PITPNC1: variants seen among roughly 807,000 people sequenced by gnomAD.
The protein encoded by PITPNC1 is cytoplasmic phosphatidylinositol transfer protein 1.
Under a neutral mutation model 44.7 loss-of-function variants are expected in PITPNC1, and 18 were observed. That is an observed-to-expected ratio of 0.40 (90% CI 0.28 to 0.60). PITPNC1 has a LOEUF of 0.60. Among genes scored for constraint, PITPNC1 ranks in the 20% least tolerant of loss-of-function variants. The probability of loss-of-function intolerance (pLI) is 0.39; values close to 1 mark genes in which losing one functional copy is unlikely to be tolerated. For synonymous variants in PITPNC1, 141 were observed against 149.6 expected, an observed-to-expected ratio of 0.94 and a Z score of 0.42; for missense variants, 290 against 418.4, an observed-to-expected ratio of 0.69 and a Z score of 2.68.
chr17:67,419,925 AAAG>A (rs921697193), intron 1 of PITPNC1, among the ~76,000 whole-genome samples: 3 of 151,990 alleles, frequency 2.0e-5, no homozygotes, highest in African/African-American at 7.2e-5. Flanking sequence ...TCAAAAAAAA[AAAG>A]AGAGAGAGAG....
chr17:67,453,367 T>C (rs1400236174), intron 1 of PITPNC1, among the ~76,000 whole-genome samples: 2 of 152,156 alleles, frequency 1.3e-5, no homozygotes, highest in African/African-American at 2.4e-5. Context: ...GGAGAAAATA[T>C]AGACAGAGCA....
At chr17:67,425,193 G>GCGCGCGCGCGCGCGCGCGCACACA (rs1160522771) in intron 1 of PITPNC1, among the ~76,000 whole-genome samples, 3 of 52,116 alleles carry the variant, frequency 5.8e-5, no homozygotes, top group African/African-American at 1.0e-4. Flanking sequence ...TTGTGCGCGC[G>GCGCGCGCGCGCGCGCGCGCACACA]CACGCACACG....
At chr17:67,576,980 CA>C (rs1175629745) in intron 4 of PITPNC1, among the ~76,000 whole-genome samples, 1 of 152,186 alleles carries the variant, frequency 6.6e-6, no homozygotes, top group Non-Finnish European at 1.5e-5. Flanking sequence ...ATCCAAATTA[CA>C]TATTAAAAGC....
chr17:67,606,897 A>G (rs2041615708), intron 5 of PITPNC1, among the ~76,000 whole-genome samples: 1 of 152,174 alleles, frequency 6.6e-6, no homozygotes. Context: ...GGTTATCCAG[A>G]TAAGTACAGA....
At chr17:67,611,710 A>C (rs1161271900) in intron 5 of PITPNC1, 2 of 152,282 alleles carry the variant, frequency 1.3e-5, no homozygotes, top group South Asian at 2.1e-4. Flanking sequence ...CCCCGACCTC[A>C]GGTGTTCCAC....
At chr17:67,654,004 G>T (rs2042236816) in intron 6 of PITPNC1, among the ~76,000 whole-genome samples, 1 of 152,150 alleles carries the variant, frequency 6.6e-6, no homozygotes, top group Non-Finnish European at 1.5e-5. Context: ...CCCCTGCTTG[G>T]CTGGGACCAC....
At chr17:67,688,414 G>A (rs2042861608) in intron 8 of PITPNC1, among the ~76,000 whole-genome samples, 1 of 149,940 alleles carries the variant, frequency 6.7e-6, no homozygotes. Flanking sequence ...CTTTAGAATT[G>A]TGAAGACCTT....
At chr17:67,503,525 G>A (rs1314885182) in intron 1 of PITPNC1, among the ~76,000 whole-genome samples, 3 of 152,008 alleles carry the variant, frequency 2.0e-5, no homozygotes, top group South Asian at 4.1e-4. Context: ...TCTCTGTAGG[G>A]GACAAGGGAA....
At chr17:67,524,481 G>A (rs554258269) in intron 1 of PITPNC1, 9 of 151,912 alleles carry the variant, frequency 5.9e-5, no homozygotes, top group Admixed American at 5.9e-4. Context: ...AAAAAGGCAA[G>A]TGAAGTTAAT....
In PITPNC1 at chr17:67,419,370, A is replaced by AAGACAGATTTCTATCC. The variant is rs2038634390; in HGVS notation, c.48+41171_48+41186dup. Among the ~76,000 whole-genome samples the AAGACAGATTTCTATCC allele has an allele frequency of 2.0e-5, 3 of 152,272 alleles. No individual in the cohort carries two copies. The South Asian group carries it at 6.2e-4, about 32-fold the overall frequency. On this transcript the variant is annotated intron_variant, in intron 1 of 8. Coordinates refer to ENST00000581322, the MANE Select transcript of PITPNC1 (RefSeq NM_012417.4). ...ACGCAGACATGATGCATTTCCTACT[A>AAGACAGATTTCTATCC]AGACAGATTTCTATCCAGGAAACAT...
intron 1 of PITPNC1, among the ~76,000 whole-genome samples, chr17:67,519,171 GTTTTT>G (rs563294178): frequency 1.3e-5 from 1 of 78,752 alleles, no homozygotes; most frequent in South Asian, 4.9e-4. Context: ...GCAGCATTCT[GTTTTT>G]TTTTTTTTTT....
rs1555650821 is a variant in PITPNC1 at position 67,434,807 on chromosome 17, A to AAATT, written c.48+56607_48+56608insTTAA. 9.8e-3 allele frequency among the ~76,000 whole-genome samples: 1,455 copies of AAATT among 148,402 alleles called. 27 individuals carry two copies. Among genetic ancestry groups the AAATT allele is most frequent in the Non-Finnish European group, 0.014 (918 of 67,306 alleles). ...AGTGAGACTCTGCCTCAAAAAAAAA[A>AAATT]AAAAAATAAAAAAATAAAAGGCCAG... is the stretch of plus-strand genomic sequence containing the variant. On this transcript the variant is annotated intron_variant, in intron 1 of 8. Transcript: ENST00000581322.
chr17:67,661,356 C>CCCCT (rs2042344587), intron 6 of PITPNC1, among the ~76,000 whole-genome samples: 1 of 152,070 alleles, frequency 6.6e-6, no homozygotes, highest in Non-Finnish European at 1.5e-5. Flanking sequence ...CTTTTCCTTC[C>CCCCT]CCCTTCCCAG....
chr17:67,586,125 G>A (rs777547053), intron 5 of PITPNC1, among the ~76,000 whole-genome samples: 3 of 152,132 alleles, frequency 2.0e-5, no homozygotes, highest in Non-Finnish European at 2.9e-5. Context: ...AGACTGGCAG[G>A]AACTGAGGTT....
chr17:67,631,615 T>G (rs2041967655), intron 5 of PITPNC1, among the ~76,000 whole-genome samples: 1 of 40,786 alleles, frequency 2.5e-5, no homozygotes. Context: ...GGCGAAAGAG[T>G]GAGACTCCGT....
intron 1 of PITPNC1, among the ~76,000 whole-genome samples, chr17:67,465,498 T>C (rs143577346): frequency 5.6e-4 from 86 of 152,284 alleles, no homozygotes; most frequent in African/African-American, 1.9e-3. Context: ...CACATGCCAA[T>C]GTTGAATTGT....
intron 6 of PITPNC1, among the ~76,000 whole-genome samples, chr17:67,666,930 G>A (rs1783146774): frequency 6.6e-6 from 1 of 152,224 alleles, no homozygotes; most frequent in Admixed American, 6.5e-5. Flanking sequence ...TTTGTAAGCA[G>A]CCTGCTTTTA....
chr17:67,537,428 T>A (rs936271551), intron 2 of PITPNC1, among the ~76,000 whole-genome samples: 4 of 152,168 alleles, frequency 2.6e-5, no homozygotes, highest in African/African-American at 9.7e-5. Flanking sequence ...AGCGAAAATA[T>A]AATTTAAAAA....
At chr17:67,528,677 C>T (rs902630778) in intron 1 of PITPNC1, among the ~76,000 whole-genome samples, 4 of 152,198 alleles carry the variant, frequency 2.6e-5, no homozygotes, top group African/African-American at 9.6e-5. Context: ...GCTGCCTTCA[C>T]CACGTTCTGC....
Sources: allele counts gnomAD v4.1 joint callset (sites outside exome capture counted in the v4.1 genomes callset), GRCh38; gene constraint gnomAD v4.1.1; transcripts MANE v1.5; gene names NCBI Gene and HGNC (gene_info 2026-07-23, HGNC 2026-07-21).